HRH1: variants seen among roughly 807,000 people sequenced by gnomAD.
HRH1 encodes the protein histamine H1 receptor.
A neutral mutation model predicts 10.3 loss-of-function variants in HRH1; 6 were observed. That is an observed-to-expected ratio of 0.58 (90% CI 0.32 to 1.15). The LOEUF is 1.15. Among genes scored for constraint, HRH1 ranks in the 50% most tolerant of loss-of-function variants. The probability of loss-of-function intolerance (pLI) is 0.05; values close to 1 mark genes in which losing one functional copy is unlikely to be tolerated. For synonymous variants in HRH1, 242 were observed against 236.7 expected (o/e 1.02, Z -0.21); for missense variants, 514 against 615.3 (o/e 0.84, Z 1.74).
chr3:11,175,879 C>T (rs368485853), intron 1 of HRH1, among the ~76,000 whole-genome samples: 109 of 152,202 alleles, frequency 7.2e-4, no homozygotes, highest in African/African-American at 2.4e-3. Context: ...TCAGAATAGG[C>T]GGGGCACATG....
chr3:11,216,933 C>G (rs559354695), intron 1 of HRH1, among the ~76,000 whole-genome samples: 1 of 151,352 alleles, frequency 6.6e-6, no homozygotes, highest in African/African-American at 2.4e-5. Flanking sequence ...CCTGTAATCC[C>G]AGCACTTTGG....
At chr3:11,190,862 G>T (rs1382930482) in intron 1 of HRH1, among the ~76,000 whole-genome samples, 1 of 152,098 alleles carries the variant, frequency 6.6e-6, no homozygotes, top group Non-Finnish European at 1.5e-5. Flanking sequence ...TGGCCTCTAA[G>T]TGAGACAGGA....
intron 1 of HRH1, among the ~76,000 whole-genome samples, chr3:11,210,236 A>G (rs1348339145): frequency 1.3e-5 from 2 of 152,036 alleles, no homozygotes; most frequent in East Asian, 1.9e-4. Flanking sequence ...ACCAAAAAAG[A>G]TACAAAAATT....
At chr3:11,211,696 G>T (rs983499246) in intron 1 of HRH1, among the ~76,000 whole-genome samples, 10 of 152,198 alleles carry the variant, frequency 6.6e-5, no homozygotes, top group African/African-American at 2.4e-4. Flanking sequence ...CAGGGGCAAG[G>T]ACTGGGATTT....
chr3:11,259,232 C>T lies in HRH1; in HGVS notation c.195C>T (p.Tyr65=), dbSNP rs374489231. ...AGCTCCACACTGTGGGGAACCTGTA[C>T]ATCGTCAGCCTCTCGGTGGCGGACT... The part of the protein sequence containing the change: ...ERKLHTVGNL[Y]IVSLSVADLI... Residue 65 remains tyrosine, a synonymous_variant, in exon 2 of 2, where the codon TAC becomes TAT. Transcript: ENST00000431010. The surrounding 1 kb of genome is among the most constrained non-coding windows in gnomAD (Gnocchi z 4.6). 4.3e-6 allele frequency: 7 copies of T among 1,613,560 alleles called. No individual in the cohort carries two copies. The highest frequency in any genetic ancestry group is 1.6e-4 in the Middle Eastern group (1 of 6,084).
intron 1 of HRH1, among the ~76,000 whole-genome samples, chr3:11,140,600 C>T (rs759272728): frequency 3.3e-5 from 5 of 152,142 alleles, no homozygotes; most frequent in East Asian, 1.9e-4. Context: ...ACCCTGCTCG[C>T]GGGTGACCTC....
At chr3:11,233,120 G>A (rs1418873328) in intron 1 of HRH1, among the ~76,000 whole-genome samples, 1 of 152,214 alleles carries the variant, frequency 6.6e-6, no homozygotes, top group East Asian at 1.9e-4. Context: ...ACAGCTTCTT[G>A]ATTCTATAGA....
chr3:11,208,836 T>A (rs939000789), intron 1 of HRH1, among the ~76,000 whole-genome samples: 4 of 152,202 alleles, frequency 2.6e-5, no homozygotes, highest in Non-Finnish European at 5.9e-5. Context: ...AAAATAACAC[T>A]ATGGTGAACA....
chr3:11,199,448 T>G (rs900538659), intron 1 of HRH1, among the ~76,000 whole-genome samples: 1 of 152,130 alleles, frequency 6.6e-6, no homozygotes, highest in African/African-American at 2.4e-5. Context: ...CTAATGCCCA[T>G]TCTCCCCTCA....
intron 1 of HRH1, among the ~76,000 whole-genome samples, chr3:11,246,593 G>T (rs1939495952): frequency 6.6e-6 from 1 of 152,196 alleles, no homozygotes; most frequent in South Asian, 2.1e-4. Context: ...ATCCATTCAA[G>T]CTATTTTTTT....
At chr3:11,205,512 A>T (rs181682488) in intron 1 of HRH1, among the ~76,000 whole-genome samples, 1 of 152,260 alleles carries the variant, frequency 6.6e-6, no homozygotes, top group Non-Finnish European at 1.5e-5. Flanking sequence ...ATCAACTGAG[A>T]AAGGCTGCCA....
At position 11,227,250 on chromosome 3, in the gene HRH1, GA is replaced by G. The variant is rs556719919; in HGVS notation, c.-35-31751del. Reference sequence around the variant, plus strand: ...CTGAGCATGGAACCGTAGTGGTTGGGAAGGAAATGCCATTTGCCTATGGGGT... The same window carrying G: ...CTGAGCATGGAACCGTAGTGGTTGGGAGGAAATGCCATTTGCCTATGGGGT... On this transcript the variant is annotated intron_variant, in intron 1 of 1. Coordinates refer to ENST00000431010, the MANE Select transcript of HRH1 (RefSeq NM_001098212.2). Among the ~76,000 whole-genome samples the G allele has an allele frequency of 6.2e-3, 942 of 152,110 alleles. 7 individuals carry two copies. The highest frequency in any genetic ancestry group is 0.022 in the African/African-American group (895 of 41,490).
chr3:11,245,931 A>AT (rs1939467672), intron 1 of HRH1, among the ~76,000 whole-genome samples: 1 of 151,896 alleles, frequency 6.6e-6, no homozygotes, highest in Non-Finnish European at 1.5e-5. Context: ...ACACTCACAC[A>AT]TACACACTCA....
chr3:11,166,871 C>G (rs1937047310), intron 1 of HRH1, among the ~76,000 whole-genome samples: 1 of 151,428 alleles, frequency 6.6e-6, no homozygotes, highest in Admixed American at 6.6e-5. Context: ...TTTGCTGTCC[C>G]CTGGATTCTC....
At chr3:11,237,832 C>T (rs991515227) in intron 1 of HRH1, among the ~76,000 whole-genome samples, 20 of 151,834 alleles carry the variant, frequency 1.3e-4, no homozygotes, top group Admixed American at 3.9e-4. Flanking sequence ...TGCGCCACCA[C>T]GCCCTGCTAA....
intron 1 of HRH1, among the ~76,000 whole-genome samples, chr3:11,210,673 G>C (rs551655290): frequency 3.2e-4 from 49 of 152,128 alleles, no homozygotes; most frequent in Non-Finnish European, 6.3e-4. Context: ...CGCATTCACA[G>C]TCCCAGCTAC....
chr3:11,183,152 T>C (rs752042567), intron 1 of HRH1, among the ~76,000 whole-genome samples: 17 of 152,238 alleles, frequency 1.1e-4, no homozygotes, highest in Middle Eastern at 3.4e-3. Flanking sequence ...CCCACCTTTT[T>C]AAAGTGGTGG....
chr3:11,233,956 T>G (rs1028226812), intron 1 of HRH1, among the ~76,000 whole-genome samples: 2 of 152,226 alleles, frequency 1.3e-5, no homozygotes, highest in Non-Finnish European at 2.9e-5. Context: ...GTAATGGTTT[T>G]TAGTTGCTGA....
chr3:11,208,389 C>T (rs368984924), intron 1 of HRH1, among the ~76,000 whole-genome samples: 2 of 152,048 alleles, frequency 1.3e-5, no homozygotes, highest in East Asian at 1.9e-4. Context: ...TGAGCTCAAG[C>T]GATCTACCCG....
Sources: allele counts gnomAD v4.1 joint callset (sites outside exome capture counted in the v4.1 genomes callset), GRCh38; gene constraint gnomAD v4.1.1; non-coding constraint Gnocchi (gnomAD v3.1); transcripts MANE v1.5; gene names NCBI Gene and HGNC (gene_info 2026-07-23, HGNC 2026-07-21).